The following BIN3 variants were observed in gnomAD, a reference collection of about 807,000 sequenced individuals.
The protein encoded by BIN3 is bridging integrator 3.
BIN3 carries 41 observed loss-of-function variants against 38.2 expected under a neutral mutation model. The observed-to-expected ratio is 1.07, with a 90% CI of 0.84 to 1.39. The LOEUF is 1.39. Ranked by LOEUF, BIN3 falls within the 40% of genes most tolerant of loss-of-function variation. BIN3 has a pLI of 0.00. For synonymous variants in BIN3, 145 were observed against 122.6 expected (o/e 1.18, Z -1.21); for missense variants, 361 against 324.3 (o/e 1.11, Z -0.87).
At chr8:22,663,207 A>AGTGTGT (rs3220194) in intron 1 of BIN3, among the ~76,000 whole-genome samples, 2,440 of 150,236 alleles carry the variant, frequency 0.016, 65 homozygotes, top group African/African-American at 0.056. Flanking sequence ...TTCAAGTATA[A>AGTGTGT]GTGTGTGTGT....
intron 2 of BIN3, among the ~76,000 whole-genome samples, chr8:22,642,675 G>A (rs150449837): frequency 1.6e-3 from 245 of 152,302 alleles, no homozygotes; most frequent in African/African-American, 5.7e-3. Context: ...TAACATCTGT[G>A]ACACAGGTAC....
chr8:22,662,086 C>T (rs566660747), intron 1 of BIN3, among the ~76,000 whole-genome samples: 104 of 152,348 alleles, frequency 6.8e-4, no homozygotes, highest in African/African-American at 2.0e-3. Context: ...TGAGCCAACA[C>T]GCCCGGCCCA....
Position 22,641,440 on chromosome 8 carries a change from C to A in BIN3, c.57+3315G>T, listed in dbSNP as rs116145207. Among the ~76,000 whole-genome samples, 821 of 152,236 alleles carry A rather than the reference C, an allele frequency of 5.4e-3. 8 individuals are homozygous for A. The highest frequency in any genetic ancestry group is 0.018 in the African/African-American group (760 of 41,530). On this transcript the variant is annotated intron_variant, in intron 2 of 8. Transcript: ENST00000276416. ...AGTGAATGAACAGGCTGAGTTCCCA[C>A]CCAAACTTATGCTCATGGTGAAGTG...
chr8:22,634,364 G>A (rs978448212), intron 4 of BIN3: 6 of 394,274 alleles, frequency 1.5e-5, no homozygotes, highest in Non-Finnish European at 3.0e-5. Flanking sequence ...GAAAATTCAT[G>A]GCACAGACCA....
chr8:22,642,933 G>A (rs528689905), intron 2 of BIN3, among the ~76,000 whole-genome samples: 1 of 152,202 alleles, frequency 6.6e-6, no homozygotes, highest in Non-Finnish European at 1.5e-5. Context: ...GTGTGCATCT[G>A]CCCGCACTGC....
intron 1 of BIN3, among the ~76,000 whole-genome samples, chr8:22,655,723 G>T (rs1803035034): frequency 6.6e-6 from 1 of 152,120 alleles, no homozygotes; most frequent in South Asian, 2.1e-4. Context: ...TCTTTGTCAA[G>T]ATCATTTTGA....
intron 1 of BIN3, among the ~76,000 whole-genome samples, chr8:22,657,843 CA>C (rs1476651168): frequency 6.6e-6 from 1 of 152,236 alleles, no homozygotes; most frequent in Non-Finnish European, 1.5e-5. Flanking sequence ...TTAGGAGAAG[CA>C]GCTGCTTTGG....
At chr8:22,644,620 A>G (rs1475256855) in intron 2 of BIN3, 135 bp downstream of exon 2, 11 of 791,818 alleles carry the variant, frequency 1.4e-5, no homozygotes, top group East Asian at 2.8e-5. Context: ...GAGGTTCTAG[A>G]TCCGCATAAG....
intron 6 of BIN3, chr8:22,625,328 G>A (rs1003985570): frequency 2.0e-5 from 14 of 702,454 alleles, no homozygotes; most frequent in Admixed American, 1.6e-4. Flanking sequence ...GCCCTGCAGT[G>A]TCCAGGATCA....
intron 2 of BIN3, among the ~76,000 whole-genome samples, chr8:22,640,138 T>A (rs190551619): frequency 2.0e-5 from 3 of 151,866 alleles, no homozygotes; most frequent in African/African-American, 7.3e-5. Flanking sequence ...GTTGGGATTA[T>A]AGGCGTGAGC....
intron 2 of BIN3, among the ~76,000 whole-genome samples, chr8:22,637,390 T>C (rs543244574): frequency 4.9e-4 from 74 of 152,246 alleles, no homozygotes; most frequent in Non-Finnish European, 8.8e-4. Context: ...TCCAGGTCCA[T>C]GCAGGGCACC....
intron 1 of BIN3, among the ~76,000 whole-genome samples, chr8:22,656,047 T>C (rs1803046830): frequency 6.6e-6 from 1 of 152,134 alleles, no homozygotes. Flanking sequence ...TTATTCAAGA[T>C]AAATTTCACT....
chr8:22,656,535 C>A (rs970633619), intron 1 of BIN3, among the ~76,000 whole-genome samples: 11 of 152,138 alleles, frequency 7.2e-5, no homozygotes, highest in African/African-American at 2.7e-4. Flanking sequence ...TGATAAAATT[C>A]ATCTTTTTCC....
chr8:22,634,120 G>A (rs975098601), intron 4 of BIN3, among the ~76,000 whole-genome samples: 10 of 152,376 alleles, frequency 6.6e-5, no homozygotes, highest in African/African-American at 2.4e-4. Flanking sequence ...GCAGAAGCAG[G>A]AAGGAAAGGA....
At chr8:22,658,520 T>C (rs1803130981) in intron 1 of BIN3, among the ~76,000 whole-genome samples, 2 of 152,250 alleles carry the variant, frequency 1.3e-5, no homozygotes, top group South Asian at 4.1e-4. Flanking sequence ...TTCAATTTGC[T>C]AGGTTTCTCC....
At chr8:22,661,352 CTT>C (rs751194383) in intron 1 of BIN3, among the ~76,000 whole-genome samples, 28 of 84,436 alleles carry the variant, frequency 3.3e-4, no homozygotes, top group East Asian at 2.0e-3. Flanking sequence ...ATGTATCATT[CTT>C]TTTTTTTTTT....
At chr8:22,647,751 TTC>T (rs751219217) in intron 1 of BIN3, among the ~76,000 whole-genome samples, 28 of 152,140 alleles carry the variant, frequency 1.8e-4, no homozygotes, top group Admixed American at 3.3e-4. Context: ...TATCATACTG[TTC>T]TGATTATTTT....
At chr8:22,663,934 C>T (rs965606498) in intron 1 of BIN3, among the ~76,000 whole-genome samples, 2 of 152,150 alleles carry the variant, frequency 1.3e-5, no homozygotes, top group Admixed American at 1.3e-4. Context: ...CTTTTGAATC[C>T]CTAGCACTTT....
At chr8:22,649,814 C>T (rs1356369017) in intron 1 of BIN3, among the ~76,000 whole-genome samples, 1 of 61,030 alleles carries the variant, frequency 1.6e-5, no homozygotes. Context: ...CAAAGGACAA[C>T]ACACACACAC....
Sources: allele counts gnomAD v4.1 joint callset (sites outside exome capture counted in the v4.1 genomes callset), GRCh38; gene constraint gnomAD v4.1.1; transcripts MANE v1.5; gene names NCBI Gene and HGNC (gene_info 2026-07-23, HGNC 2026-07-21).